RERE: variants seen among roughly 807,000 people sequenced by gnomAD.
RERE encodes arginine-glutamic acid dipeptide repeats.
In RERE, 40 loss-of-function variants were observed where a neutral mutation model predicts 146.1. The ratio of observed to expected loss-of-function variants is 0.27; its 90% CI spans 0.21 to 0.36. The LOEUF (loss-of-function observed/expected upper bound fraction) is 0.36, where lower values mean the gene tolerates loss of function less well. RERE is among the 10% of genes least tolerant of loss of function. The pLI is 1.00. For missense variants in RERE, 1,933 were observed against 2,138.7 expected, an observed-to-expected ratio of 0.90 and a Z score of 1.90; for synonymous variants, 1,003 against 866.0, an observed-to-expected ratio of 1.16 and a Z score of -2.78.
At chr1:8,695,681 A>C (rs1639313638) in intron 1 of RERE, among the ~76,000 whole-genome samples, 1 of 151,610 alleles carries the variant, frequency 6.6e-6, no homozygotes, top group Admixed American at 6.6e-5. Context: ...AATCACTTGA[A>C]CCTGGGAGGT....
intron 10 of RERE, among the ~76,000 whole-genome samples, chr1:8,479,311 T>A (rs1047151304): frequency 8.6e-5 from 13 of 151,576 alleles, no homozygotes; most frequent in African/African-American, 1.9e-4. Flanking sequence ...TTTTTTTAAA[T>A]TTTTTTTAAA....
chr1:8,461,466 T>G (rs1644525795), intron 11 of RERE, among the ~76,000 whole-genome samples: 1 of 152,174 alleles, frequency 6.6e-6, no homozygotes. Context: ...AAACCAAGTT[T>G]ACTTAGCCTG....
At chr1:8,707,979 T>C (rs1481819092) in intron 1 of RERE, among the ~76,000 whole-genome samples, 1 of 152,222 alleles carries the variant, frequency 6.6e-6, no homozygotes, top group Non-Finnish European at 1.5e-5. Context: ...ATTGATAATT[T>C]AATTTCCCTT....
At position 8,505,440 on chromosome 1, in the gene RERE, A is replaced by G. The variant is rs140358432; in HGVS notation, c.879+3187T>C. Among the ~76,000 whole-genome samples the G allele has an allele frequency of 1.1e-4, 16 of 152,302 alleles. No homozygotes were observed. In the East Asian group the frequency reaches 3.1e-3, roughly 29 times the overall value. On this transcript the variant is annotated intron_variant, in intron 8 of 22. Transcript: ENST00000400908. ...GGGAATAAATGAAATGGGTTTGACT[A>G]GGATTTGATACTTGAGGAAGCTGAG...
intron 6 of RERE, among the ~76,000 whole-genome samples, chr1:8,548,365 C>T (rs1320458264): frequency 6.6e-6 from 1 of 152,088 alleles, no homozygotes; most frequent in Non-Finnish European, 1.5e-5. Context: ...ATAAAATAAA[C>T]AGTCCAGGTC....
chr1:8,619,427 T>C (rs1646892382), intron 3 of RERE, among the ~76,000 whole-genome samples: 2 of 152,226 alleles, frequency 1.3e-5, no homozygotes, highest in South Asian at 4.1e-4. Flanking sequence ...TAGCTACATA[T>C]ACTACCTAGA....
chr1:8,418,622 G>C (rs1643841855), intron 12 of RERE, among the ~76,000 whole-genome samples: 1 of 152,150 alleles, frequency 6.6e-6, no homozygotes, highest in Non-Finnish European at 1.5e-5. Context: ...AAAAGTCTTT[G>C]GTTCAAATAA....
At chr1:8,732,184 T>A (rs562226310) in intron 1 of RERE, among the ~76,000 whole-genome samples, 11 of 152,304 alleles carry the variant, frequency 7.2e-5, no homozygotes, top group African/African-American at 2.4e-4. Flanking sequence ...AAAACTTATG[T>A]CCATACAAAA....
At chr1:8,605,038 T>G (rs936212579) in intron 4 of RERE, among the ~76,000 whole-genome samples, 1 of 152,228 alleles carries the variant, frequency 6.6e-6, no homozygotes, top group African/African-American at 2.4e-5. Context: ...CCACGAAATC[T>G]CTTGTCAGTC....
Position 8,608,719 on chromosome 1 carries a change from T to C in RERE, c.522+5842A>G, listed in dbSNP as rs577749078. On this transcript the variant is annotated intron_variant, in intron 4 of 22. Transcript: ENST00000400908. ...AGTTATAAAAGCATAGGTTTATTGA[T>C]ATTTGTGATCTAAAAATGCGGCTTG... Among the ~76,000 whole-genome samples the C allele has an allele frequency of 4.9e-4, 75 of 152,358 alleles. 2 individuals carry two copies. In the South Asian group the frequency reaches 0.015, roughly 31 times the overall value.
chr1:8,451,750 GCT>G (rs2124073862), intron 11 of RERE, among the ~76,000 whole-genome samples: 1 of 152,196 alleles, frequency 6.6e-6, no homozygotes, highest in East Asian at 1.9e-4. Flanking sequence ...TAGGGATTCT[GCT>G]CTGACTTGCT....
intron 2 of RERE, among the ~76,000 whole-genome samples, chr1:8,638,081 A>G (rs1482437300): frequency 6.6e-6 from 1 of 152,198 alleles, no homozygotes; most frequent in East Asian, 1.9e-4. Flanking sequence ...CATTCTATAT[A>G]CCTGTTCTTA....
chr1:8,584,842 G>A (rs1646407597), intron 4 of RERE, among the ~76,000 whole-genome samples: 1 of 152,132 alleles, frequency 6.6e-6, no homozygotes, highest in Non-Finnish European at 1.5e-5. Flanking sequence ...TGTATAGGTA[G>A]ATGAGATAAA....
At chr1:8,392,173 CAACTT>C (rs1238191022) in intron 12 of RERE, among the ~76,000 whole-genome samples, 8 of 152,196 alleles carry the variant, frequency 5.3e-5, no homozygotes, top group African/African-American at 1.7e-4. Context: ...AATCTAATAA[CAACTT>C]GACTTACCTT....
chr1:8,491,160 G>A (rs1644975008), intron 10 of RERE, among the ~76,000 whole-genome samples: 1 of 150,546 alleles, frequency 6.6e-6, no homozygotes, highest in Non-Finnish European at 1.5e-5. Flanking sequence ...AACCAGCTGG[G>A]CCAGGCGCAG....
chr1:8,660,215 T>A (rs1638422912), intron 1 of RERE, among the ~76,000 whole-genome samples: 1 of 152,088 alleles, frequency 6.6e-6, no homozygotes, highest in Non-Finnish European at 1.5e-5. Flanking sequence ...TGGGAATATA[T>A]TTTTTTCCTC....
intron 7 of RERE, among the ~76,000 whole-genome samples, chr1:8,530,455 T>C (rs1645628898): frequency 6.6e-6 from 1 of 152,060 alleles, no homozygotes; most frequent in South Asian, 2.1e-4. Flanking sequence ...ACAAAAAATG[T>C]CTACAACGTT....
intron 1 of RERE, among the ~76,000 whole-genome samples, chr1:8,757,933 T>C (rs1334572793): frequency 1.7e-5 from 2 of 119,522 alleles, no homozygotes; most frequent in East Asian, 2.0e-4. Context: ...CACACACATA[T>C]ATATGCAATA....
chr1:8,661,488 T>G (rs899704777), intron 1 of RERE, among the ~76,000 whole-genome samples: 2 of 152,054 alleles, frequency 1.3e-5, no homozygotes, highest in Non-Finnish European at 2.9e-5. Context: ...TTACCGGAGA[T>G]CACTCTGGCC....
Sources: allele counts gnomAD v4.1 joint callset (sites outside exome capture counted in the v4.1 genomes callset), GRCh38; gene constraint gnomAD v4.1.1; transcripts MANE v1.5; gene names NCBI Gene and HGNC (gene_info 2026-07-23, HGNC 2026-07-21).